SLC14A2: variants seen among roughly 807,000 people sequenced by gnomAD.
SLC14A2 encodes urea transporter 2.
In SLC14A2, 91 loss-of-function variants were observed where a neutral mutation model predicts 104.6. The observed-to-expected ratio is 0.87, with a 90% CI of 0.73 to 1.04. SLC14A2 has a LOEUF of 1.04. Ranked by LOEUF, SLC14A2 falls within the 50% of genes least tolerant of loss-of-function variation. The probability of loss-of-function intolerance (pLI) is 0.00; values close to 1 mark genes in which losing one functional copy is unlikely to be tolerated. For synonymous variants in SLC14A2, 476 were observed against 466.4 expected (o/e 1.02, Z -0.27); for missense variants, 1,189 against 1,156.0 (o/e 1.03, Z -0.41).
chr18:45,280,643 G>A lies in SLC14A2; in HGVS notation c.-125+67452G>A, dbSNP rs73952834. The stretch of plus-strand genomic sequence containing the variant: ...TGCCTCTGGTTGAGCTCTGCTCCCT[G>A]ACTCTCAGCCCTCCTGGAGGCATTT... On this transcript the variant is annotated intron_variant, in intron 1 of 20. Transcript: ENST00000586448. Among the ~76,000 whole-genome samples, 362 of 152,278 alleles carry A rather than the reference G, an allele frequency of 2.4e-3. 1 individual carries two copies. The highest frequency in any genetic ancestry group is 8.1e-3 in the African/African-American group (335 of 41,550).
In SLC14A2 at chr18:45,566,688, A is replaced by G. The variant is rs186350758; in HGVS notation, c.-34-57943A>G. 3.3e-5 allele frequency among the ~76,000 whole-genome samples: 5 copies of G among 152,294 alleles called. 1 individual carries two copies. Among genetic ancestry groups the G allele is most frequent in the African/African-American group, 1.2e-4 (5 of 41,568 alleles). ...CATTTAATCTCCACAAGGACTTTCA[A>G]TACTTACAGCTCTTGCTTCTCAATA... On this transcript the variant is annotated intron_variant, in intron 2 of 20. Coordinates refer to the SLC14A2 transcript ENST00000586448.
At chr18:45,649,837 T>A (rs997294546) in intron 10 of SLC14A2, among the ~76,000 whole-genome samples, 4 of 152,262 alleles carry the variant, frequency 2.6e-5, no homozygotes, top group Non-Finnish European at 5.9e-5. Flanking sequence ...TCTTTTTCCT[T>A]TGTGAATAAC....
chr18:45,663,863 G>C lies in SLC14A2; in HGVS notation c.1430G>C (p.Ser477Thr), dbSNP rs1463351094. The change falls in exon 11 of 20, where the codon AGT (serine) becomes ACT (threonine). Residue 477 changes from serine (S) to threonine (T), a missense_variant. By Grantham distance (58) the Ser-to-Thr change is moderately conservative. Coordinates refer to ENST00000255226, the MANE Select transcript of SLC14A2 (RefSeq NM_007163.4). ...GAGGCTGTGCTCTCCAAGCACAGGAGTGTATTTCACATCGAGTGGTCATCC... is the reference window on the plus strand; with the variant it reads ...GAGGCTGTGCTCTCCAAGCACAGGACTGTATTTCACATCGAGTGGTCATCC... ...GSEAVLSKHR[S>T]VFHIEWSSIR... The C allele has an allele frequency of 6.2e-7, 1 of 1,613,628 alleles. No homozygotes were observed. The highest frequency in any genetic ancestry group is 8.5e-7 in the Non-Finnish European group (1 of 1,179,934).
intron 2 of SLC14A2, among the ~76,000 whole-genome samples, chr18:45,554,799 C>G (rs1233529797): frequency 6.6e-6 from 1 of 152,154 alleles, no homozygotes; most frequent in Non-Finnish European, 1.5e-5. Context: ...AGATATGCTG[C>G]TACTTTAGGG....
intron 2 of SLC14A2, among the ~76,000 whole-genome samples, chr18:45,520,180 C>G (rs1036849278): frequency 2.6e-5 from 4 of 152,224 alleles, no homozygotes; most frequent in Non-Finnish European, 4.4e-5. Context: ...ATGTTGGACT[C>G]AGTACCTAGC....
chr18:45,356,904 C>A (rs1214275448), intron 1 of SLC14A2, among the ~76,000 whole-genome samples: 1 of 152,190 alleles, frequency 6.6e-6, no homozygotes, highest in Non-Finnish European at 1.5e-5. Flanking sequence ...CCTGCAGAAT[C>A]AAGAGCCTGG....
At chr18:45,193,039 T>G in the SLC14A2 span, among the ~76,000 whole-genome samples, 1 of 152,350 alleles carries the variant, frequency 6.6e-6, no homozygotes, top group South Asian at 2.1e-4. Flanking sequence ...ACCTTTTGTC[T>G]TCTTTGGTAA....
intron 2 of SLC14A2, among the ~76,000 whole-genome samples, chr18:45,505,202 C>T (rs2043263211): frequency 6.6e-6 from 1 of 152,070 alleles, no homozygotes. Flanking sequence ...TTGGATAGTC[C>T]AGTGTGCATC....
At chr18:45,488,126 T>C (rs1159820512) in intron 2 of SLC14A2, among the ~76,000 whole-genome samples, 1 of 152,134 alleles carries the variant, frequency 6.6e-6, no homozygotes, top group African/African-American at 2.4e-5. Context: ...GTTTCATCTA[T>C]AGTGTAAGGA....
At chr18:45,261,282 C>A (rs12454770) in intron 1 of SLC14A2, among the ~76,000 whole-genome samples, 10 of 148,310 alleles carry the variant, frequency 6.7e-5, no homozygotes, top group Non-Finnish European at 9.0e-5. Context: ...TTTGTCCTTG[C>A]GATAGTTTGC....
In SLC14A2 at chr18:45,683,640, C is replaced by G. The variant is rs2144676852; in HGVS notation, c.*1121C>G. On this transcript the variant is annotated 3_prime_UTR_variant, in exon 20 of 20. Coordinates refer to ENST00000255226, the MANE Select transcript of SLC14A2 (RefSeq NM_007163.4). Reference sequence around the variant, plus strand: ...TCATATTATAAACAAATGTGTTTCCCTTTGTAATATTCATAATCATACTGT... The same window carrying G: ...TCATATTATAAACAAATGTGTTTCCGTTTGTAATATTCATAATCATACTGT... 1 of 152,230 alleles carries G rather than the reference C, an allele frequency of 6.6e-6. No individual in the cohort carries two copies. The highest frequency in any genetic ancestry group is 3.4e-3 in the Middle Eastern group (1 of 294). 9.4% of individuals were successfully genotyped at this position (152,230 alleles called of 1,614,324 possible). A position where few individuals can be genotyped will look rare whatever the true frequency, so the allele number is the denominator to read the frequency against.
chr18:45,190,597 T>A, the SLC14A2 span, among the ~76,000 whole-genome samples: 1 of 152,176 alleles, frequency 6.6e-6, no homozygotes, highest in African/African-American at 2.4e-5. Flanking sequence ...ATTGGTCAAC[T>A]GGTTCACTTC....
intron 2 of SLC14A2, among the ~76,000 whole-genome samples, chr18:45,606,482 C>T (rs1007784862): frequency 8.5e-5 from 13 of 152,120 alleles, no homozygotes; most frequent in Admixed American, 3.3e-4. Flanking sequence ...ACCTCCAAGG[C>T]CACCACTGAA....
intron 1 of SLC14A2, among the ~76,000 whole-genome samples, chr18:45,372,316 C>A (rs868584738): frequency 6.7e-6 from 1 of 148,478 alleles, no homozygotes; most frequent in Admixed American, 6.7e-5. Context: ...GTCTCAAAAA[C>A]AATAATAATA....
intron 1 of SLC14A2, among the ~76,000 whole-genome samples, chr18:45,255,046 C>T (rs144470702): frequency 1.6e-4 from 25 of 152,292 alleles, no homozygotes; most frequent in Non-Finnish European, 2.8e-4. Context: ...TCCCCTTTAC[C>T]TCCACATGGC....
intron 1 of SLC14A2, among the ~76,000 whole-genome samples, chr18:45,426,543 C>CGT (rs765432157): frequency 0.058 from 7,777 of 135,132 alleles, 272 homozygotes; most frequent in Non-Finnish European, 0.085. Context: ...ATGAGATCAG[C>CGT]ATGTGTGTGT....
At chr18:45,544,512 C>T (rs2043938262) in intron 2 of SLC14A2, among the ~76,000 whole-genome samples, 3 of 151,978 alleles carry the variant, frequency 2.0e-5, no homozygotes, top group Admixed American at 2.0e-4. Flanking sequence ...AAAAACGACA[C>T]AAAAACATCA....
chr18:45,449,108 G>A (rs1181241000), intron 1 of SLC14A2, among the ~76,000 whole-genome samples: 1 of 152,184 alleles, frequency 6.6e-6, no homozygotes, highest in African/African-American at 2.4e-5. Context: ...AAATCAATGA[G>A]CAAAGCCTCA....
intron 1 of SLC14A2, among the ~76,000 whole-genome samples, chr18:45,433,755 T>C (rs193178067): frequency 3.8e-4 from 58 of 152,346 alleles, no homozygotes; most frequent in African/African-American, 1.3e-3. Flanking sequence ...ATCAGGGCAT[T>C]TAAGCACTCA....
Sources: gnomAD v4.1 joint callset for allele counts (sites outside exome capture counted in the v4.1 genomes callset) on GRCh38, gnomAD v4.1.1 for gene constraint, MANE v1.5 for transcripts, NCBI Gene and HGNC (gene_info 2026-07-23, HGNC 2026-07-21) for gene names.